The following MEGF9 variants were observed in gnomAD, a reference collection of about 807,000 sequenced individuals.
MEGF9 encodes multiple EGF like domains 9.
In MEGF9, 6 loss-of-function variants were observed where a neutral mutation model predicts 46.8. The observed-to-expected ratio is 0.13, with a 90% CI of 0.07 to 0.25. MEGF9 has a LOEUF of 0.25. MEGF9 is among the 10% of genes least tolerant of loss of function. MEGF9 has a pLI of 1.00. For missense variants in MEGF9, 683 were observed against 792.4 expected, an observed-to-expected ratio of 0.86 and a Z score of 1.66; for synonymous variants, 302 against 330.7, an observed-to-expected ratio of 0.91 and a Z score of 0.94.
At chr9:120,652,316 T>G (rs1191504044) in intron 2 of MEGF9, among the ~76,000 whole-genome samples, 1 of 149,126 alleles carries the variant, frequency 6.7e-6, no homozygotes, top group Non-Finnish European at 1.5e-5. Context: ...TAAAACCCTG[T>G]CTCTACAAAA....
intron 4 of MEGF9, among the ~76,000 whole-genome samples, chr9:120,611,241 T>G (rs1013353657): frequency 3.6e-4 from 55 of 152,270 alleles, no homozygotes; most frequent in South Asian, 4.1e-4. Flanking sequence ...ATTCCACTCC[T>G]AGGTATACAC....
intron 2 of MEGF9, among the ~76,000 whole-genome samples, chr9:120,653,708 T>C (rs1394051414): frequency 6.6e-6 from 1 of 152,172 alleles, no homozygotes; most frequent in Non-Finnish European, 1.5e-5. Flanking sequence ...ACTAAAAAAA[T>C]GACTCTGTTG....
rs150667180 is a variant in MEGF9, at chr9:120,628,211, T to C, written c.804-5456A>G. ...TGATTTTGTAGAGGTAAGAAAATAA[T>C]AGTTTCTCCTCTTGTTAAAAGAAAC... On this transcript the variant is annotated intron_variant, in intron 2 of 5. Coordinates refer to ENST00000373930, the MANE Select transcript of MEGF9 (RefSeq NM_001080497.3). 1.1e-3 allele frequency among the ~76,000 whole-genome samples: 168 copies of C among 152,328 alleles called. 3 individuals carry two copies. In the East Asian group the frequency reaches 0.029, roughly 26 times the overall value.
chr9:120,672,968 A>G (rs570895827), intron 1 of MEGF9, among the ~76,000 whole-genome samples: 1 of 152,318 alleles, frequency 6.6e-6, no homozygotes, highest in Admixed American at 6.5e-5. Flanking sequence ...GGTTGCGGTG[A>G]ACCGAGATTG....
chr9:120,626,296 A>C (rs1243389179), intron 2 of MEGF9, among the ~76,000 whole-genome samples: 1 of 152,246 alleles, frequency 6.6e-6, no homozygotes, highest in Non-Finnish European at 1.5e-5. Flanking sequence ...AGCATTGTGG[A>C]GCTACGCTGC....
intron 2 of MEGF9, among the ~76,000 whole-genome samples, chr9:120,656,172 G>A (rs1480376918): frequency 6.6e-6 from 1 of 152,124 alleles, no homozygotes; most frequent in East Asian, 1.9e-4. Flanking sequence ...AATTAGTCAA[G>A]TTAACTATAC....
chr9:120,662,128 A>C (rs2043705297), intron 1 of MEGF9, among the ~76,000 whole-genome samples: 1 of 152,228 alleles, frequency 6.6e-6, no homozygotes. Flanking sequence ...AAAAGAATCC[A>C]ATTGAATTTA....
intron 3 of MEGF9, among the ~76,000 whole-genome samples, chr9:120,618,988 A>G (rs1260685009): frequency 6.6e-6 from 1 of 151,958 alleles, no homozygotes; most frequent in Non-Finnish European, 1.5e-5. Flanking sequence ...GTCTAATTAT[A>G]TGGCATAAGT....
rs2043967921 is a variant in MEGF9 at position 120,714,226 on chromosome 9, C to G, written c.133G>C (p.Gly45Arg). 1 of 1,236,264 alleles carries G rather than the reference C, an allele frequency of 8.1e-7. No individual in the cohort carries two copies. The highest frequency in any genetic ancestry group is 3.9e-5 in the South Asian group (1 of 25,826). The allele number at this position is 1,236,264 out of a possible 1,614,324, so 76.6% of individuals were successfully genotyped here. Reference sequence around the variant, plus strand: ...GCGTCCACCTGCCCCGCGGCCCCGCCGCCACCGGTGACATTCCCCGCCGAG... The same window carrying G: ...GCGTCCACCTGCCCCGCGGCCCCGCGGCCACCGGTGACATTCCCCGCCGAG... ...AASAGNVTGG[G>R]GAAGQVDASP... Residue 45 changes from glycine to arginine, a missense_variant, in exon 1 of 6, where the codon GGC becomes CGC. This residue lies in a region of MEGF9 where 370 missense variants were observed against 371.3 expected (regional missense o/e 1.00). Coordinates refer to ENST00000373930, the MANE Select transcript of MEGF9 (RefSeq NM_001080497.3).
intron 2 of MEGF9, among the ~76,000 whole-genome samples, chr9:120,645,744 C>A (rs2043623400): frequency 6.6e-6 from 1 of 152,174 alleles, no homozygotes; most frequent in Non-Finnish European, 1.5e-5. Context: ...CTATTGTTTG[C>A]TACCCTCAAA....
intron 2 of MEGF9, among the ~76,000 whole-genome samples, chr9:120,651,388 T>C (rs937153484): frequency 1.3e-5 from 2 of 152,228 alleles, no homozygotes; most frequent in East Asian, 3.8e-4. Context: ...GATAGGAGTA[T>C]ATACTCTAGA....
intron 1 of MEGF9, among the ~76,000 whole-genome samples, chr9:120,709,412 CAA>C (rs796930010): frequency 8.4e-6 from 1 of 118,476 alleles, no homozygotes. Flanking sequence ...AACTCCATCT[CAA>C]AAAAAAAAAC....
At chr9:120,661,757 T>TATC (rs2043703369) in intron 1 of MEGF9, among the ~76,000 whole-genome samples, 5 of 152,218 alleles carry the variant, frequency 3.3e-5, no homozygotes, top group Admixed American at 3.3e-4. Flanking sequence ...ACTTTCTGCG[T>TATC]ATGTGTGTTG....
At chr9:120,699,737 A>AAAG (rs1382496875) in intron 1 of MEGF9, among the ~76,000 whole-genome samples, 3 of 151,422 alleles carry the variant, frequency 2.0e-5, no homozygotes, top group African/African-American at 7.3e-5. Context: ...AAAAAAAAAA[A>AAAG]AAAAAAAGTA....
intron 1 of MEGF9, among the ~76,000 whole-genome samples, chr9:120,711,772 T>C (rs10760113): frequency 0.59 from 89,125 of 151,702 alleles, 28,927 homozygotes; most frequent in South Asian, 0.75. Flanking sequence ...TTCTATTATA[T>C]TTTACTAAAA....
intron 1 of MEGF9, among the ~76,000 whole-genome samples, chr9:120,666,003 G>A (rs574494821): frequency 1.2e-4 from 18 of 152,132 alleles, no homozygotes; most frequent in Admixed American, 9.2e-4. Flanking sequence ...CTATAGTTTT[G>A]TAGTATATTT....
chr9:120,602,700 T>C lies in MEGF9; in HGVS notation c.*2490A>G, dbSNP rs766721188. The C allele has an allele frequency of 6.6e-6, 1 of 152,156 alleles. No homozygotes were observed. The highest frequency in any genetic ancestry group is 1.5e-5 in the Non-Finnish European group (1 of 68,016). 9.4% of individuals were successfully genotyped at this position (152,156 alleles called of 1,614,324 possible). ...CTCCAACAAACCTCCTTTCTCTCTA[T>C]TGGTTTAACTTCTGTTTAATAAATG... On this transcript the variant is annotated 3_prime_UTR_variant, in exon 6 of 6. Coordinates refer to ENST00000373930, the MANE Select transcript of MEGF9 (RefSeq NM_001080497.3).
intron 3 of MEGF9, among the ~76,000 whole-genome samples, chr9:120,613,371 G>C (rs1359791484): frequency 6.6e-6 from 1 of 151,734 alleles, no homozygotes; most frequent in African/African-American, 2.4e-5. Context: ...GGTAAAACAG[G>C]ACTACGGAGG....
intron 2 of MEGF9, among the ~76,000 whole-genome samples, chr9:120,654,916 G>C (rs1272770757): frequency 6.6e-6 from 1 of 151,790 alleles, no homozygotes; most frequent in East Asian, 1.9e-4. Context: ...TTTTAAAATA[G>C]AAAAAAGCTT....
Sources: allele counts gnomAD v4.1 joint callset (sites outside exome capture counted in the v4.1 genomes callset), GRCh38; gene constraint gnomAD v4.1.1; regional missense constraint gnomAD v4.1.1; transcripts MANE v1.5; gene names NCBI Gene and HGNC (gene_info 2026-07-23, HGNC 2026-07-21).